The following DNAH12 variants were observed in gnomAD, a reference collection of about 807,000 sequenced individuals.
DNAH12 encodes dynein axonemal heavy chain 12.
DNAH12 carries 285 observed loss-of-function variants against 371.5 expected under a neutral mutation model. That is an observed-to-expected ratio of 0.77 (90% CI 0.70 to 0.85). The LOEUF (loss-of-function observed/expected upper bound fraction) is 0.85, where lower values mean the gene tolerates loss of function less well. DNAH12 is among the 40% of genes least tolerant of loss of function. The pLI, the probability that DNAH12 is intolerant of heterozygous loss-of-function variation, is 0.00. For synonymous variants in DNAH12, 1,200 were observed against 1,213.0 expected (o/e 0.99, Z 0.22); for missense variants, 3,611 against 3,689.4 (o/e 0.98, Z 0.55).
rs959420261 is a variant in DNAH12, at chr3:57,358,548, A to C, written c.9361-1200T>G. ...AAGTGGGTTCCTGTTCCTTGCAAAC[A>C]AACTTTCCCCAAAATTACACTGTAT... On this transcript the variant is annotated intron_variant, in intron 58 of 73. Coordinates refer to ENST00000495027, the MANE Select transcript of DNAH12 (RefSeq NM_001366028.2). Among the ~76,000 whole-genome samples, 75 of 152,284 alleles carry C rather than the reference A, an allele frequency of 4.9e-4. 1 individual carries two copies. The highest frequency in any genetic ancestry group is 1.8e-3 in the African/African-American group (74 of 41,560).
chr3:57,446,934 TA>T (rs1180026830), intron 25 of DNAH12, among the ~76,000 whole-genome samples: 2 of 152,208 alleles, frequency 1.3e-5, no homozygotes, highest in Admixed American at 6.5e-5. Flanking sequence ...CATTTGTTTT[TA>T]AAAACAATCT....
rs1326237791 is a variant in DNAH12 at position 57,389,839 on chromosome 3, T to TATATATATAA, written c.7305+2032_7305+2033insTTATATATAT. Among the ~76,000 whole-genome samples, 126 of 84,846 alleles carry TATATATATAA rather than the reference T, an allele frequency of 1.5e-3. 15 individuals are homozygous for TATATATATAA. The highest frequency in any genetic ancestry group is 2.6e-3 in the Non-Finnish European group (94 of 36,232). The allele number at this position is 84,846 out of a possible 152,430, so 55.7% of individuals were successfully genotyped here. A position where few individuals can be genotyped will look rare whatever the true frequency, so the allele number is the denominator to read the frequency against. On this transcript the variant is annotated intron_variant, in intron 45 of 73. Transcript: ENST00000495027. Reference sequence around the variant, plus strand: ...GTGTGTGTGTATATATATATATATATAATACTTTTTTTTTTGAAATGGAGT... The same window carrying TATATATATAA: ...GTGTGTGTGTATATATATATATATATATATATATAAAATACTTTTTTTTTTGAAATGGAGT...
Position 57,301,900 on chromosome 3 carries a change from T to A in DNAH12, c.11229A>T (p.Glu3743Asp). 6.4e-7 allele frequency: 1 copy of A among 1,551,610 alleles called. No homozygotes were observed. The highest frequency in any genetic ancestry group is 8.7e-7 in the Non-Finnish European group (1 of 1,146,970). ...TCACAACCACACCCTTAATAGCTTT[T>A]TCAAGGTCCCGTAGAGTGTTACGTA... ...ITIRNTLRDL[E>D]KAIKGVVVMD... is the part of the protein sequence containing the mutation. Residue 3743 changes from glutamate to aspartate, a missense_variant, in exon 70 of 74, where the codon GAA becomes GAT. Glu to Asp is a conservative substitution (Grantham distance 45). Transcript: ENST00000495027.
chr3:57,496,918 G>A (rs918500397), intron 11 of DNAH12, among the ~76,000 whole-genome samples: 5 of 151,918 alleles, frequency 3.3e-5, no homozygotes, highest in East Asian at 1.9e-4. Context: ...GCGGTGAGCC[G>A]AGATCTTGCC....
intron 58 of DNAH12, 48 bp from the exon 59 acceptor site, chr3:57,357,396 G>A (rs2062824334): frequency 6.6e-6 from 1 of 152,020 alleles, no homozygotes; most frequent in African/African-American, 2.4e-5. Context: ...GAGTATTTTA[G>A]TTATGTACTT....
rs2153380267 is a variant in DNAH12, at chr3:57,470,438, A to C, written c.2105+5T>G. 6.6e-7 allele frequency: 1 copy of C among 1,503,930 alleles called. No homozygotes were observed. Among genetic ancestry groups the C allele is most frequent in the East Asian group, 2.5e-5 (1 of 40,184 alleles). 93.2% of individuals were successfully genotyped at this position (1,503,930 alleles called of 1,614,324 possible). A position where few individuals can be genotyped will look rare whatever the true frequency, so the allele number is the denominator to read the frequency against. ...CTTGATTTTTATTACATTACCAGCA[A>C]TTACCGTTTTTCTGATCGCTGCCAC... On this transcript the variant is annotated splice_donor_5th_base_variant and intron_variant, in intron 16 of 73. Coordinates refer to ENST00000495027, the MANE Select transcript of DNAH12 (RefSeq NM_001366028.2).
chr3:57,363,346 A>C (rs1360516675), intron 58 of DNAH12, among the ~76,000 whole-genome samples: 3 of 152,190 alleles, frequency 2.0e-5, no homozygotes, highest in Non-Finnish European at 4.4e-5. Flanking sequence ...ATATTTTAAA[A>C]CGTTCATTCT....
Position 57,361,378 on chromosome 3 carries a change from CACTT to C in DNAH12, c.9360+2212_9360+2215del, listed in dbSNP as rs1429684923. On this transcript the variant is annotated intron_variant, in intron 58 of 73. Coordinates refer to ENST00000495027, the MANE Select transcript of DNAH12 (RefSeq NM_001366028.2). ...AAATATATATACGTATATATACACA[CACTT>C]ATATATATACATACGCACTATATAT... is the stretch of plus-strand genomic sequence containing the variant. 9.7e-3 allele frequency among the ~76,000 whole-genome samples: 1,438 copies of C among 148,642 alleles called. 37 individuals carry two copies. The highest frequency in any genetic ancestry group is 9.4e-3 in the Non-Finnish European group (639 of 67,624).
At chr3:57,297,167 C>G in intron 70 of DNAH12, 183 bp from the exon 71 acceptor site, 1 of 593,738 alleles carries the variant, frequency 1.7e-6, no homozygotes, top group Non-Finnish European at 2.9e-6. Context: ...TTCTACTCTT[C>G]TTGGAAAACT....
At position 57,446,201 on chromosome 3, in the gene DNAH12, C is replaced by G. The variant is rs1471428035; in HGVS notation, c.4009G>C (p.Val1337Leu). 2 of 1,551,794 alleles carry G rather than the reference C, an allele frequency of 1.3e-6. No individual in the cohort carries two copies. The highest frequency in any genetic ancestry group is 4.9e-5 in the East Asian group (2 of 40,906). Residue 1337 changes from valine (V) to leucine (L), a missense_variant, in exon 27 of 74, where the codon GTG (valine) becomes CTG (leucine). Transcript: ENST00000495027. ...FDEFNRIELEVLSVVAQQILC... is the reference protein window; with the variant it reads ...FDEFNRIELELLSVVAQQILC... ...ATCTGTTGAGCTACCACTGACAACACTTCCAACTCAATTCGATTGAATTCA... is the reference window on the plus strand; with the variant it reads ...ATCTGTTGAGCTACCACTGACAACAGTTCCAACTCAATTCGATTGAATTCA...
chr3:57,320,421 G>A (rs370385407), intron 65 of DNAH12, among the ~76,000 whole-genome samples: 14 of 152,286 alleles, frequency 9.2e-5, no homozygotes, highest in African/African-American at 3.1e-4. Context: ...GACTCATAAC[G>A]AATGTCTTAT....
intron 43 of DNAH12, among the ~76,000 whole-genome samples, chr3:57,402,741 T>C (rs2063909418): frequency 6.6e-6 from 1 of 152,170 alleles, no homozygotes; most frequent in Non-Finnish European, 1.5e-5. Flanking sequence ...AACATGCAGT[T>C]AGAAGAAGTT....
At position 57,472,590 on chromosome 3, in the gene DNAH12, T is replaced by A; in HGVS notation, c.1732A>T (p.Met578Leu). 1 of 1,551,052 alleles carries A rather than the reference T, an allele frequency of 6.4e-7. No individual in the cohort carries two copies. The highest frequency in any genetic ancestry group is 8.7e-7 in the Non-Finnish European group (1 of 1,146,766). Reference protein sequence around the residue: ...EDLALNATVLMWPRKINPIFD... With the variant: ...EDLALNATVLLWPRKINPIFD... ...ATGGGATTAATTTTCCTAGGCCACATGAGGACAGTTGCATTTAAAGCTAAG... is the reference window on the plus strand; with the variant it reads ...ATGGGATTAATTTTCCTAGGCCACAAGAGGACAGTTGCATTTAAAGCTAAG... Residue 578 changes from methionine to leucine, a missense_variant, in exon 14 of 74, where the codon ATG (methionine) becomes TTG (leucine). By Grantham distance (15) the Met-to-Leu change is conservative. Coordinates refer to ENST00000495027, the MANE Select transcript of DNAH12 (RefSeq NM_001366028.2).
intron 19 of DNAH12, among the ~76,000 whole-genome samples, chr3:57,460,404 A>G (rs1298694304): frequency 6.6e-6 from 1 of 152,150 alleles, no homozygotes; most frequent in Non-Finnish European, 1.5e-5. Context: ...TAGAAATGAC[A>G]AGATATTTCA....
chr3:57,496,513 A>C (rs966839069), intron 11 of DNAH12, among the ~76,000 whole-genome samples: 7 of 152,174 alleles, frequency 4.6e-5, no homozygotes, highest in Non-Finnish European at 8.8e-5. Flanking sequence ...ATAGAAGGGA[A>C]TTTCATCCAC....
intron 13 of DNAH12, among the ~76,000 whole-genome samples, chr3:57,475,636 T>G (rs1307787621): frequency 2.0e-5 from 3 of 152,126 alleles, no homozygotes; most frequent in Non-Finnish European, 2.9e-5. Flanking sequence ...ATGAGCAAAA[T>G]GTATGTACTA....
At chr3:57,406,032 A>G in intron 40 of DNAH12, 80 bp from the exon 41 acceptor site, 4 of 1,374,058 alleles carry the variant, frequency 2.9e-6, no homozygotes, top group Non-Finnish European at 3.9e-6. Flanking sequence ...ATGTTATACA[A>G]AATATTTTAT....
At chr3:57,336,290 TTAGATG>T (rs1314577062) in intron 60 of DNAH12, among the ~76,000 whole-genome samples, 2 of 152,186 alleles carry the variant, frequency 1.3e-5, no homozygotes, top group African/African-American at 4.8e-5. Context: ...AAAATTGGTC[TTAGATG>T]TAGATGTAGA....
At chr3:57,452,538 C>T (rs2065785944) in intron 25 of DNAH12, among the ~76,000 whole-genome samples, 1 of 152,122 alleles carries the variant, frequency 6.6e-6, no homozygotes, top group South Asian at 2.1e-4. Context: ...CCCAAGACGC[C>T]ACTGCAAAAA....
Sources: gnomAD v4.1 joint callset for allele counts (sites outside exome capture counted in the v4.1 genomes callset) on GRCh38, gnomAD v4.1.1 for gene constraint, MANE v1.5 for transcripts, NCBI Gene and HGNC (gene_info 2026-07-23, HGNC 2026-07-21) for gene names.